NOTCH1: variants seen among roughly 807,000 people sequenced by gnomAD.
NOTCH1 encodes notch receptor 1, also known as neurogenic locus notch homolog protein 1.
In NOTCH1, 37 loss-of-function variants were observed where a neutral mutation model predicts 254.8. The ratio of observed to expected loss-of-function variants is 0.15; its 90% CI spans 0.11 to 0.19. NOTCH1 has a LOEUF of 0.19. Ranked by LOEUF, NOTCH1 falls within the 10% of genes least tolerant of loss-of-function variation. The probability of loss-of-function intolerance (pLI) is 1.00; values close to 1 mark genes in which losing one functional copy is unlikely to be tolerated. For missense variants in NOTCH1, 2,972 were observed against 3,708.6 expected, an observed-to-expected ratio of 0.80 and a Z score of 5.16; for synonymous variants, 1,731 against 1,618.1, an observed-to-expected ratio of 1.07 and a Z score of -1.68.
intron 2 of NOTCH1, among the ~76,000 whole-genome samples, chr9:136,533,813 C>G (rs61557371): frequency 0.013 from 2,038 of 152,378 alleles, 42 homozygotes; most frequent in African/African-American, 0.046. Context: ...TGCAAATGCA[C>G]CTTAACCTGA....
In NOTCH1 at chr9:136,545,867, TACGGTCCCGGGGCGGCGGCGG is replaced by T. The variant is rs1209855704; in HGVS notation, c.-102_-82del. On this transcript the variant is annotated 5_prime_UTR_variant, in exon 1 of 34. Transcript: ENST00000651671. The surrounding 1 kb of genome is among the most constrained non-coding windows in gnomAD (Gnocchi z 6.8). ...GGGGCTGGGACGCACACGCGCGGCGTACGGTCCCGGGGCGGCGGCGGACGGTCCCGCCCTCTCTTCCCCGGC... is the reference window on the plus strand; with the variant it reads ...GGGGCTGGGACGCACACGCGCGGCGTACGGTCCCGCCCTCTCTTCCCCGGC... 2 of 743,114 alleles carry T rather than the reference TACGGTCCCGGGGCGGCGGCGG, an allele frequency of 2.7e-6. No homozygotes were observed. The highest frequency in any genetic ancestry group is 5.1e-5 in the East Asian group (1 of 19,604). The allele number at this position is 743,114 out of a possible 1,614,324, so 46.0% of individuals were successfully genotyped here. A position where few individuals can be genotyped will look rare whatever the true frequency, so the allele number is the denominator to read the frequency against.
At position 136,545,976 on chromosome 9, in the gene NOTCH1, C is replaced by G. The variant is rs975570880; in HGVS notation, c.-190G>C. ...CGGCTCCGCGCCCGGCTCGTTCCTT[C>G]GCTGCGCTCGCGCCCGCGCCCGCGC... On this transcript the variant is annotated 5_prime_UTR_variant, in exon 1 of 34. Transcript: ENST00000651671. This position sits in a 1 kb window ranked among gnomAD's most constrained non-coding sequence, Gnocchi z 6.8. Among the ~76,000 whole-genome samples the G allele has an allele frequency of 6.7e-6, 1 of 148,242 alleles. No individual in the cohort carries two copies. Among genetic ancestry groups the G allele is most frequent in the Non-Finnish European group, 1.5e-5 (1 of 66,440 alleles).
intron 26 of NOTCH1, 130 bp downstream of exon 26, chr9:136,504,543 C>A: frequency 2.8e-6 from 3 of 1,058,280 alleles, no homozygotes; most frequent in Non-Finnish European, 4.0e-6. Flanking sequence ...CTCTCGGAAC[C>A]TCCGTCTCTT....
Position 136,501,842 on chromosome 9 carries a change from C to A in NOTCH1, c.5544G>T (p.Leu1848=). Reference sequence around the variant, plus strand: ...CAGACATGCGCAGGTCAGCGGCATCCAGGTGCTGCTGAGTCCACTGCCGGT... The same window carrying A: ...CAGACATGCGCAGGTCAGCGGCATCAAGGTGCTGCTGAGTCCACTGCCGGT... ...TDHRQWTQQH[L]DAADLRMSAM... Residue 1848 remains leucine (L), a synonymous_variant, in exon 30 of 34, where the codon CTG becomes CTT. Transcript: ENST00000651671. 6.2e-7 allele frequency: 1 copy of A among 1,612,740 alleles called. No homozygotes were observed. The highest frequency in any genetic ancestry group is 1.3e-5 in the African/African-American group (1 of 75,024).
rs750685842 is a variant in NOTCH1 at position 136,516,034 on chromosome 9, T to C, written c.1616A>G (p.Asn539Ser). ...VDECASTPCK[N>S]GAKCLDGPNT... ...GGGTCCGTCCAGGCACTTGGCACCA[T>C]TCTTGCAGGGGGTGCTGGCACACTC... The change falls in exon 10 of 34, where the codon AAT becomes AGT. Residue 539 changes from asparagine (N) to serine (S), a missense_variant. Physicochemically the swap from Asn to Ser is conservative, Grantham distance 46 (BLOSUM62 1). Around this residue, in one of 8 missense-constraint regions of NOTCH1, gnomAD observed 128 missense variants for 193.8 expected, o/e 0.66. Transcript: ENST00000651671. The C allele has an allele frequency of 8.1e-6, 13 of 1,612,190 alleles. No homozygotes were observed. The highest frequency in any genetic ancestry group is 1.1e-5 in the Non-Finnish European group (13 of 1,179,926).
At position 136,508,367 on chromosome 9, in the gene NOTCH1, C is replaced by T. The variant is rs375931404; in HGVS notation, c.3190G>A (p.Asp1064Asn). Reference sequence around the variant, plus strand: ...CCGCCGTTCTTGCAGGGCGAGGAGTCACACCAGTGCACAAGGTTCTGGGGA... The same window carrying T: ...CCGCCGTTCTTGCAGGGCGAGGAGTTACACCAGTGCACAAGGTTCTGGGGA... ...PNCQNLVHWC[D>N]SSPCKNGGKC... The change falls in exon 20 of 34, where the codon GAC (aspartate) becomes AAC (asparagine). Residue 1064 changes from aspartate to asparagine, a missense_variant. Transcript: ENST00000651671. The T allele has an allele frequency of 3.3e-5, 53 of 1,613,126 alleles. No individual in the cohort carries two copies. Among genetic ancestry groups the T allele is most frequent in the Middle Eastern group, 3.3e-4 (2 of 6,082 alleles).
intron 2 of NOTCH1, among the ~76,000 whole-genome samples, chr9:136,536,598 T>G (rs887624787): frequency 6.6e-6 from 1 of 152,220 alleles, no homozygotes; most frequent in Non-Finnish European, 1.5e-5. Flanking sequence ...TCCTTTGGTC[T>G]GGAGCTCCCT....
intron 2 of NOTCH1, among the ~76,000 whole-genome samples, 188 bp from the exon 3 acceptor site, chr9:136,524,167 C>T (rs765649989): frequency 2.0e-5 from 3 of 152,218 alleles, no homozygotes; most frequent in Non-Finnish European, 2.9e-5. Flanking sequence ...GCCGCGATTG[C>T]ACAACTTTGG....
Position 136,518,152 on chromosome 9 carries a change from C to A in NOTCH1, c.1240G>T (p.Asp414Tyr). ...YTGPACSQDV[D>Y]ECSLGANPCE... The stretch of plus-strand genomic sequence containing the variant: ...TGGCACCTACCCAGCGAGCACTCAT[C>A]CACGTCCTGGCTGCAGGCCGGGCCC... The change falls in exon 7 of 34, where the codon GAT becomes TAT. Residue 414 changes from aspartate to tyrosine, a missense_variant. Transcript: ENST00000651671. 4 of 1,591,782 alleles carry A rather than the reference C, an allele frequency of 2.5e-6. No individual in the cohort carries two copies. Among genetic ancestry groups the A allele is most frequent in the Non-Finnish European group, 3.4e-6 (4 of 1,169,650 alleles).
At chr9:136,543,205 T>C (rs1266218990) in intron 2 of NOTCH1, 1 of 172,596 alleles carries the variant, frequency 5.8e-6, no homozygotes, top group Non-Finnish European at 1.3e-5. Context: ...GAAGAGTCAA[T>C]TTCCTTTGAA....
chr9:136,525,318 C>T (rs185289628), intron 2 of NOTCH1, among the ~76,000 whole-genome samples: 9 of 152,250 alleles, frequency 5.9e-5, no homozygotes, highest in East Asian at 1.9e-4. Context: ...CGGCAACAGG[C>T]GCAGAGCCTG....
intron 30 of NOTCH1, 63 bp downstream of exon 30, chr9:136,501,685 G>C (rs1269478320): frequency 2.5e-6 from 4 of 1,582,552 alleles, no homozygotes; most frequent in Admixed American, 1.7e-5. Context: ...CAGCCTCGGG[G>C]CTTAGGGGAG....
At chr9:136,521,070 CCA>C in intron 4 of NOTCH1, among the ~76,000 whole-genome samples, 1 of 152,198 alleles carries the variant, frequency 6.6e-6, no homozygotes, top group Non-Finnish European at 1.5e-5. Context: ...CCCCGTGACT[CCA>C]CACACAGCTG....
In NOTCH1 at chr9:136,498,970, C is replaced by A. The variant is rs1060502237; in HGVS notation, c.6109G>T (p.Ala2037Ser). Residue 2037 changes from alanine to serine, a missense_variant, in exon 33 of 34, where the codon GCC becomes TCC. By Grantham distance (99) the Ala-to-Ser change is moderately conservative. This residue lies in a region of NOTCH1 where 421 missense variants were observed against 604.4 expected (regional missense o/e 0.70). Coordinates refer to ENST00000651671, the MANE Select transcript of NOTCH1 (RefSeq NM_017617.5). ...ACTGCGGCATCCACATTGTTCACGG[C>A]GGCGGCCCAGTGCAGGGCGGACTTG... ...LGKSALHWAA[A>S]VNNVDAAVVL... is the part of the protein sequence containing the mutation. 1 of 1,613,550 alleles carries A rather than the reference C, an allele frequency of 6.2e-7. No homozygotes were observed. Among genetic ancestry groups the A allele is most frequent in the Non-Finnish European group, 8.5e-7 (1 of 1,180,002 alleles).
chr9:136,545,640 C>G lies in NOTCH1; in HGVS notation c.61+86G>C. 1 of 1,183,076 alleles carries G rather than the reference C, an allele frequency of 8.5e-7. No homozygotes were observed. The highest frequency in any genetic ancestry group is 1.1e-6 in the Non-Finnish European group (1 of 877,850). The allele number at this position is 1,183,076 out of a possible 1,614,324, so 73.3% of individuals were successfully genotyped here. On this transcript the variant is annotated intron_variant, in intron 1 of 33. Coordinates refer to ENST00000651671, the MANE Select transcript of NOTCH1 (RefSeq NM_017617.5). This position sits in a 1 kb window ranked among gnomAD's most constrained non-coding sequence, Gnocchi z 6.8. ...CATGCTGGCCTCCCCGCCGCCCGCT[C>G]CCAGCCGTGGGGCGCGCGCGCCGGG... is the stretch of plus-strand genomic sequence containing the variant.
chr9:136,545,758 C>G lies in NOTCH1; in HGVS notation c.29G>C (p.Cys10Ser). MPPLLAPLL[C>S]LALLPALAAR... ...GGCGAGCGCGGGCAGCAGCGCCAGG[C>G]AGAGCAGGGGCGCCAGGAGCGGCGG... Residue 10 changes from cysteine (C) to serine (S), a missense_variant, in exon 1 of 34, where the codon TGC (cysteine) becomes TCC (serine). Cys to Ser is a moderately radical substitution (Grantham distance 112). Around this residue, in one of 8 missense-constraint regions of NOTCH1, gnomAD observed 374 missense variants for 496.3 expected, o/e 0.75. Transcript: ENST00000651671. This position sits in a 1 kb window ranked among gnomAD's most constrained non-coding sequence, Gnocchi z 6.8. 7.1e-7 allele frequency: 1 copy of G among 1,408,142 alleles called. No homozygotes were observed. Among genetic ancestry groups the G allele is most frequent in the Non-Finnish European group, 9.2e-7 (1 of 1,083,428 alleles). 87.2% of individuals were successfully genotyped at this position (1,408,142 alleles called of 1,614,324 possible).
intron 9 of NOTCH1, among the ~76,000 whole-genome samples, chr9:136,516,386 T>C (rs1214165274): frequency 6.6e-6 from 1 of 152,232 alleles, no homozygotes; most frequent in Non-Finnish European, 1.5e-5. Flanking sequence ...CTCGCTCCAG[T>C]GTCTGGGACG....
intron 29 of NOTCH1, 39 bp downstream of exon 29, chr9:136,501,962 T>TGCCCGGGAGCCCAGGA (rs1843003880): frequency 6.2e-7 from 1 of 1,611,486 alleles, no homozygotes; most frequent in Non-Finnish European, 8.5e-7. Flanking sequence ...CGGCAGCAGG[T>TGCCCGGGAGCCCAGGA]GCCCGGGAGC....
At chr9:136,516,909 AG>A (rs1423446265) in intron 9 of NOTCH1, among the ~76,000 whole-genome samples, 1 of 151,900 alleles carries the variant, frequency 6.6e-6, no homozygotes, top group Admixed American at 6.6e-5. Context: ...ACCAATGGCC[AG>A]GCCCCCCTCA....
Sources: allele counts gnomAD v4.1 joint callset (sites outside exome capture counted in the v4.1 genomes callset), GRCh38; gene constraint gnomAD v4.1.1; regional missense constraint gnomAD v4.1.1; non-coding constraint Gnocchi (gnomAD v3.1); transcripts MANE v1.5; gene names NCBI Gene and HGNC (gene_info 2026-07-23, HGNC 2026-07-21).